The following RANBP2 variants were observed in gnomAD, a reference collection of about 807,000 sequenced individuals.
RANBP2 encodes the protein RAN binding protein 2, also known as E3 SUMO-protein ligase RanBP2.
A neutral mutation model predicts 303.6 loss-of-function variants in RANBP2; 57 were observed. The ratio of observed to expected loss-of-function variants is 0.19; its 90% CI spans 0.15 to 0.23. The LOEUF is 0.23. RANBP2 is among the 10% of genes least tolerant of loss of function. The pLI is 1.00. For missense variants in RANBP2, 3,138 were observed against 3,780.8 expected (o/e 0.83, Z 4.46); for synonymous variants, 1,167 against 1,301.5 (o/e 0.90, Z 2.23).
At chr2:109,161,969 T>C in the RANBP2 span, among the ~76,000 whole-genome samples, 115,089 of 151,898 alleles carry the variant, frequency 0.76, 44,534 homozygotes, top group South Asian at 0.86. Flanking sequence ...ATCTTATATG[T>C]CGCAGGTGTC....
At chr2:108,736,675 C>T (rs1355124950) in intron 6 of RANBP2, among the ~76,000 whole-genome samples, 1 of 152,166 alleles carries the variant, frequency 6.6e-6, no homozygotes, top group African/African-American at 2.4e-5. Flanking sequence ...TCAGAAAATA[C>T]TGTTTTAGCT....
At chr2:109,400,173 G>C in the RANBP2 span, among the ~76,000 whole-genome samples, 3 of 152,134 alleles carry the variant, frequency 2.0e-5, no homozygotes, top group African/African-American at 7.2e-5. Context: ...ATGTAATCTA[G>C]ATGTGCCACA....
the RANBP2 span, among the ~76,000 whole-genome samples, chr2:108,864,523 C>A: frequency 2.6e-5 from 4 of 151,830 alleles, no homozygotes; most frequent in African/African-American, 7.3e-5. Flanking sequence ...ATTAGCCGGG[C>A]ACGGTGGCTC....
the RANBP2 span, among the ~76,000 whole-genome samples, chr2:109,728,952 CACCACTGT>C: frequency 6.6e-6 from 1 of 152,156 alleles, no homozygotes; most frequent in Non-Finnish European, 1.5e-5. Flanking sequence ...GGCTCAAGCA[CACCACTGT>C]ATGTGTAGTA....
chr2:109,024,795 C>T, the RANBP2 span, among the ~76,000 whole-genome samples: 1 of 152,194 alleles, frequency 6.6e-6, no homozygotes, highest in Admixed American at 6.6e-5. Context: ...ACTTTAACTT[C>T]ATTGTTTATC....
At chr2:109,522,809 A>G in the RANBP2 span, among the ~76,000 whole-genome samples, 2 of 152,230 alleles carry the variant, frequency 1.3e-5, no homozygotes, top group African/African-American at 4.8e-5. Flanking sequence ...AGAAAATGCA[A>G]CACGCAATCA....
chr2:109,511,036 G>A, the RANBP2 span, among the ~76,000 whole-genome samples: 2 of 152,322 alleles, frequency 1.3e-5, no homozygotes, highest in Admixed American at 6.5e-5. Flanking sequence ...TTATGAAGTA[G>A]GAATTATGAC....
At chr2:109,551,115 G>A in the RANBP2 span, among the ~76,000 whole-genome samples, 1 of 152,184 alleles carries the variant, frequency 6.6e-6, no homozygotes, top group Admixed American at 6.5e-5. Context: ...GAATAGGGAA[G>A]ACAGAACGTC....
chr2:109,528,691 G>A, the RANBP2 span, among the ~76,000 whole-genome samples: 1 of 152,206 alleles, frequency 6.6e-6, no homozygotes, highest in South Asian at 2.1e-4. Context: ...CGGAGCAGAG[G>A]CGTCCTGCAG....
the RANBP2 span, among the ~76,000 whole-genome samples, chr2:108,953,141 C>G: frequency 6.6e-6 from 1 of 152,146 alleles, no homozygotes; most frequent in African/African-American, 2.4e-5. Flanking sequence ...ACAAATAATC[C>G]ATCTGTGCTC....
At chr2:109,135,279 T>C in the RANBP2 span, among the ~76,000 whole-genome samples, 1 of 152,126 alleles carries the variant, frequency 6.6e-6, no homozygotes, top group East Asian at 1.9e-4. Context: ...GACTGCCTTT[T>C]CTCCTGAGGC....
At chr2:109,736,960 GA>G in the RANBP2 span, among the ~76,000 whole-genome samples, 316 of 144,604 alleles carry the variant, frequency 2.2e-3, 1 homozygote, top group African/African-American at 6.9e-3. Flanking sequence ...TTTTCAAGCT[GA>G]AAAAAAAAAA....
In RANBP2 at chr2:108,783,867, G is replaced by A. The variant is rs370647782; in HGVS notation, c.9641G>A (p.Arg3214Gln). 3.2e-5 allele frequency: 51 copies of A among 1,612,974 alleles called. 1 individual carries two copies. Among genetic ancestry groups the A allele is most frequent in the African/African-American group, 6.7e-5 (5 of 74,922 alleles). Residue 3214 changes from arginine (R) to glutamine (Q), a missense_variant, in exon 29 of 29, where the codon CGA becomes CAA. Physicochemically the swap from Arg to Gln is conservative, Grantham distance 43. Coordinates refer to ENST00000283195, the MANE Select transcript of RANBP2 (RefSeq NM_006267.5). ...SFGSPKGSVC[R>Q]RITITECGQI ...GGTTCTCCCAAAGGGTCTGTTTGTC[G>A]AAGAATAACTATCACAGAATGTGGA...
chr2:108,860,935 C>CTTTTTT, the RANBP2 span, among the ~76,000 whole-genome samples: 85 of 37,924 alleles, frequency 2.2e-3, 28 homozygotes, highest in Admixed American at 0.024. Flanking sequence ...TGGTCCAGGA[C>CTTTTTT]TTTTTTTTTT....
chr2:109,635,665 G>T, the RANBP2 span, among the ~76,000 whole-genome samples: 2 of 152,216 alleles, frequency 1.3e-5, no homozygotes, highest in African/African-American at 4.8e-5. Context: ...CAGATGGTCG[G>T]TGGGGGACAC....
the RANBP2 span, among the ~76,000 whole-genome samples, chr2:109,632,649 G>A: frequency 5.9e-5 from 9 of 151,990 alleles, no homozygotes; most frequent in African/African-American, 1.2e-4. Flanking sequence ...TAGAAACCCC[G>A]TTTCTACTAA....
the RANBP2 span, among the ~76,000 whole-genome samples, chr2:108,961,977 G>A: frequency 6.6e-6 from 1 of 152,224 alleles, no homozygotes; most frequent in Non-Finnish European, 1.5e-5. Context: ...GGGAAGCGCA[G>A]CTGTAAGATA....
chr2:109,628,322 C>A, the RANBP2 span, among the ~76,000 whole-genome samples: 4 of 152,052 alleles, frequency 2.6e-5, no homozygotes, highest in Admixed American at 1.3e-4. Context: ...AGCAAAACCT[C>A]ATCTCTACTA....
At chr2:108,738,275 C>A (rs1325384102) in intron 6 of RANBP2, among the ~76,000 whole-genome samples, 1 of 151,770 alleles carries the variant, frequency 6.6e-6, no homozygotes, top group Non-Finnish European at 1.5e-5. Flanking sequence ...TGGGGTTTCA[C>A]CGCGTTAGCC....
Sources: allele counts gnomAD v4.1 joint callset (sites outside exome capture counted in the v4.1 genomes callset), GRCh38; gene constraint gnomAD v4.1.1; transcripts MANE v1.5; gene names NCBI Gene and HGNC (gene_info 2026-07-23, HGNC 2026-07-21).